The following DPP6 variants were observed in gnomAD, a reference collection of about 807,000 sequenced individuals.
The protein encoded by DPP6 is dipeptidyl peptidase like 6, also known as A-type potassium channel modulatory protein DPP6.
A neutral mutation model predicts 122.6 loss-of-function variants in DPP6; 69 were observed. The observed-to-expected ratio is 0.56, with a 90% CI of 0.46 to 0.69. DPP6 has a LOEUF of 0.69. Among genes scored for constraint, DPP6 ranks in the 30% least tolerant of loss-of-function variants. The pLI, the probability that DPP6 is intolerant of heterozygous loss-of-function variation, is 0.00. For synonymous variants in DPP6, 418 were observed against 433.1 expected, an observed-to-expected ratio of 0.97 and a Z score of 0.43; for missense variants, 928 against 1,116.9, an observed-to-expected ratio of 0.83 and a Z score of 2.41.
intron 1 of DPP6, among the ~76,000 whole-genome samples, chr7:154,070,096 G>A (rs1037906562): frequency 1.3e-5 from 2 of 151,738 alleles, no homozygotes; most frequent in Non-Finnish European, 2.9e-5. Flanking sequence ...TCCCCACACC[G>A]AGGTATCAGG....
intron 1 of DPP6, among the ~76,000 whole-genome samples, chr7:154,213,526 C>G (rs928773664): frequency 6.6e-6 from 1 of 152,196 alleles, no homozygotes; most frequent in African/African-American, 2.4e-5. Context: ...AATCCAACCA[C>G]TCAGCTTCAT....
At chr7:154,492,541 C>T (rs1824368562) in intron 3 of DPP6, among the ~76,000 whole-genome samples, 1 of 152,210 alleles carries the variant, frequency 6.6e-6, no homozygotes, top group East Asian at 1.9e-4. Flanking sequence ...GTCCTTCCCT[C>T]GTTCCACCCA....
intron 7 of DPP6, among the ~76,000 whole-genome samples, chr7:154,700,072 T>C (rs1840431998): frequency 6.6e-6 from 1 of 152,226 alleles, no homozygotes; most frequent in Non-Finnish European, 1.5e-5. Context: ...ATTAAGTAAA[T>C]TAATATTTTA....
At chr7:154,640,956 ATT>A (rs971071484) in intron 6 of DPP6, among the ~76,000 whole-genome samples, 1 of 151,272 alleles carries the variant, frequency 6.6e-6, no homozygotes, top group African/African-American at 2.4e-5. Context: ...TTATAGCTTG[ATT>A]TTTTTTTCTT....
At chr7:154,520,586 G>A (rs1826893435) in intron 3 of DPP6, among the ~76,000 whole-genome samples, 2 of 152,232 alleles carry the variant, frequency 1.3e-5, no homozygotes, top group Admixed American at 1.3e-4. Flanking sequence ...TCAAGTTTCT[G>A]TCTCTCAGCC....
chr7:154,637,890 C>G lies in DPP6; in HGVS notation c.680+17C>G, dbSNP rs867133989. 6.4e-7 allele frequency: 1 copy of G among 1,560,848 alleles called. No homozygotes were observed. Among genetic ancestry groups the G allele is most frequent in the Middle Eastern group, 1.7e-4 (1 of 5,998 alleles). ...TCCTCATGGGTAAGAGTGTTCTTTT[C>G]TTTCTTTTAATTAGAAATATGCAGG... is the stretch of plus-strand genomic sequence containing the variant. On this transcript the variant is annotated intron_variant, in intron 6 of 25. Coordinates refer to ENST00000377770, the MANE Select transcript of DPP6 (RefSeq NM_130797.4).
At chr7:153,864,414 A>G in the DPP6 span, among the ~76,000 whole-genome samples, 1 of 151,960 alleles carries the variant, frequency 6.6e-6, no homozygotes, top group African/African-American at 2.4e-5. Context: ...CAGCACTTTG[A>G]GAGGCTGAGG....
the DPP6 span, among the ~76,000 whole-genome samples, chr7:153,789,806 C>A: frequency 2.6e-5 from 4 of 152,108 alleles, no homozygotes; most frequent in African/African-American, 4.8e-5. Context: ...GAGGTAGTGG[C>A]AACTATCATT....
At chr7:154,154,553 C>T (rs1239280306) in intron 1 of DPP6, among the ~76,000 whole-genome samples, 1 of 152,198 alleles carries the variant, frequency 6.6e-6, no homozygotes, top group African/African-American at 2.4e-5. Flanking sequence ...ATTTGAACCC[C>T]TGAAGCCTGT....
At position 154,540,596 on chromosome 7, in the gene DPP6, T is replaced by A. The variant is rs531709235; in HGVS notation, c.522T>A (p.Thr174=). ...GACTGTGGAATGTTGAAACAAATAC[T>A]TCTACTGTCTTAATAGAAGGCAAAA... ...TVRLWNVETN[T]STVLIEGKKI... The change falls in exon 4 of 26, where the codon ACT becomes ACA. Residue 174 remains threonine (T), a synonymous_variant. Coordinates refer to ENST00000377770, the MANE Select transcript of DPP6 (RefSeq NM_130797.4). 3 of 1,602,810 alleles carry A rather than the reference T, an allele frequency of 1.9e-6. No individual in the cohort carries two copies. Among genetic ancestry groups the A allele is most frequent in the East Asian group, 4.5e-5 (2 of 44,552 alleles).
chr7:154,843,084 A>G, intron 16 of DPP6, among the ~76,000 whole-genome samples: 2 of 152,362 alleles, frequency 1.3e-5, no homozygotes, highest in South Asian at 2.1e-4. Context: ...TTTGACCTGA[A>G]CCAGGAAGGA....
intron 7 of DPP6, among the ~76,000 whole-genome samples, chr7:154,698,908 G>C (rs539216413): frequency 6.6e-6 from 1 of 152,338 alleles, no homozygotes; most frequent in East Asian, 1.9e-4. Flanking sequence ...GCAGCAGTGA[G>C]CTGAGGAAGA....
chr7:154,613,954 G>A (rs945313055), intron 5 of DPP6, among the ~76,000 whole-genome samples: 2 of 152,160 alleles, frequency 1.3e-5, no homozygotes, highest in African/African-American at 4.8e-5. Context: ...AGGATTTGGT[G>A]GGAAATCATT....
At chr7:153,988,168 G>C (rs1031979471) in intron 1 of DPP6, among the ~76,000 whole-genome samples, 1 of 152,186 alleles carries the variant, frequency 6.6e-6, no homozygotes, top group African/African-American at 2.4e-5. Context: ...CCTTGACGGA[G>C]GAGGGAGGGA....
At chr7:154,737,280 A>T (rs535349500) in intron 8 of DPP6, among the ~76,000 whole-genome samples, 2 of 152,250 alleles carry the variant, frequency 1.3e-5, no homozygotes, top group African/African-American at 4.8e-5. Flanking sequence ...ACCCCACTGC[A>T]CCCACCCTTC....
At chr7:154,787,475 A>T (rs1240652565) in intron 10 of DPP6, among the ~76,000 whole-genome samples, 1 of 152,232 alleles carries the variant, frequency 6.6e-6, no homozygotes, top group African/African-American at 2.4e-5. Flanking sequence ...TGGTTGCCTC[A>T]GTCAGATGTC....
intron 1 of DPP6, among the ~76,000 whole-genome samples, chr7:154,352,937 C>A (rs1451735761): frequency 6.6e-6 from 1 of 152,204 alleles, no homozygotes; most frequent in African/African-American, 2.4e-5. Context: ...AAGCTAGAGT[C>A]CTGACCAATT....
At chr7:154,064,466 A>G (rs1355763472) in intron 1 of DPP6, among the ~76,000 whole-genome samples, 1 of 152,150 alleles carries the variant, frequency 6.6e-6, no homozygotes, top group Admixed American at 6.5e-5. Context: ...TGATAGACAC[A>G]TTCCACAATG....
At chr7:154,322,505 G>A (rs899403743) in intron 1 of DPP6, among the ~76,000 whole-genome samples, 18 of 152,150 alleles carry the variant, frequency 1.2e-4, no homozygotes, top group Non-Finnish European at 2.5e-4. Context: ...GGAGAGACTC[G>A]TGCTTAATAA....
Sources: allele counts gnomAD v4.1 joint callset (sites outside exome capture counted in the v4.1 genomes callset), GRCh38; gene constraint gnomAD v4.1.1; transcripts MANE v1.5; gene names NCBI Gene and HGNC (gene_info 2026-07-23, HGNC 2026-07-21).